The following RPRD1B variants were observed in gnomAD, a reference collection of about 807,000 sequenced individuals.
RPRD1B encodes regulation of nuclear pre-mRNA domain containing 1B.
A neutral mutation model predicts 41.5 loss-of-function variants in RPRD1B; 11 were observed. The ratio of observed to expected loss-of-function variants is 0.27; its 90% CI spans 0.17 to 0.44. RPRD1B has a LOEUF of 0.44. RPRD1B is among the 20% of genes least tolerant of loss of function. The pLI is 1.00. For synonymous variants in RPRD1B, 158 were observed against 155.6 expected, an observed-to-expected ratio of 1.02 and a Z score of -0.12; for missense variants, 248 against 389.9, an observed-to-expected ratio of 0.64 and a Z score of 3.06.
intron 6 of RPRD1B, among the ~76,000 whole-genome samples, chr20:38,083,468 C>T (rs2074533074): frequency 6.6e-6 from 1 of 152,184 alleles, no homozygotes; most frequent in Admixed American, 6.5e-5. Flanking sequence ...TAGACACTGA[C>T]TTTTCATTCT....
At chr20:38,063,454 G>A (rs1481229523) in intron 5 of RPRD1B, among the ~76,000 whole-genome samples, 2 of 152,158 alleles carry the variant, frequency 1.3e-5, no homozygotes, top group African/African-American at 4.8e-5. Context: ...TAAACTAATT[G>A]GAAGGTTTTG....
intron 3 of RPRD1B, among the ~76,000 whole-genome samples, chr20:38,056,471 T>C (rs1435850434): frequency 6.6e-6 from 1 of 152,184 alleles, no homozygotes; most frequent in African/African-American, 2.4e-5. Context: ...TAGTATATGA[T>C]GTATATAATG....
At chr20:38,081,797 C>A (rs899029361) in intron 6 of RPRD1B, among the ~76,000 whole-genome samples, 13 of 152,282 alleles carry the variant, frequency 8.5e-5, no homozygotes, top group African/African-American at 3.1e-4. Flanking sequence ...TTTTCTGCAT[C>A]TGTTGAAATT....
At chr20:38,044,852 T>G (rs913061932) in intron 2 of RPRD1B, among the ~76,000 whole-genome samples, 3 of 152,170 alleles carry the variant, frequency 2.0e-5, no homozygotes, top group Non-Finnish European at 4.4e-5. Context: ...CATGAGGTAC[T>G]GTTGGAAGTG....
chr20:38,091,252 A>G lies in RPRD1B; in HGVS notation c.*1377A>G, dbSNP rs1436294203. The G allele has an allele frequency of 4.1e-6, 4 of 985,704 alleles. No homozygotes were observed. Among genetic ancestry groups the G allele is most frequent in the Non-Finnish European group, 4.8e-6 (4 of 829,922 alleles). 61.1% of individuals were successfully genotyped at this position (985,704 alleles called of 1,614,324 possible). On this transcript the variant is annotated 3_prime_UTR_variant, in exon 7 of 7. Transcript: ENST00000373433. ...GGAATTCAGTGGAGGGGGCTTTGTA[A>G]TCTCCATTAATTTGTGTTGCTACTT...
intron 3 of RPRD1B, chr20:38,049,698 G>A (rs1568646999): frequency 2.1e-6 from 1 of 470,898 alleles, no homozygotes; most frequent in Non-Finnish European, 4.4e-6. Flanking sequence ...AAGATCAAAT[G>A]TTGTTTAGTT....
intron 6 of RPRD1B, among the ~76,000 whole-genome samples, chr20:38,077,051 G>A (rs1390413959): frequency 6.6e-6 from 1 of 150,454 alleles, no homozygotes; most frequent in African/African-American, 2.5e-5. Context: ...CTGAGTAGTT[G>A]GGATTACAGG....
chr20:38,085,217 T>C (rs1200505499), intron 6 of RPRD1B, among the ~76,000 whole-genome samples: 1 of 151,516 alleles, frequency 6.6e-6, no homozygotes, highest in Non-Finnish European at 1.5e-5. Flanking sequence ...TTGAGAAGAG[T>C]GCGCTGGTGG....
Position 38,069,764 on chromosome 20 carries a change from A to G in RPRD1B, c.831+3508A>G, listed in dbSNP as rs112463768. ...AAGGAAAATATTCTCACTTGTGTCTACCTTGAAATAGACCAAGAAAAAAAT... is the reference window on the plus strand; with the variant it reads ...AAGGAAAATATTCTCACTTGTGTCTGCCTTGAAATAGACCAAGAAAAAAAT... On this transcript the variant is annotated intron_variant, in intron 6 of 6. Transcript: ENST00000373433. Among the ~76,000 whole-genome samples the G allele has an allele frequency of 2.5e-3, 386 of 152,322 alleles. 1 individual carries two copies. Among genetic ancestry groups the G allele is most frequent in the African/African-American group, 8.4e-3 (350 of 41,578 alleles).
intron 2 of RPRD1B, among the ~76,000 whole-genome samples, chr20:38,047,868 T>C (rs2074135819): frequency 6.6e-6 from 1 of 152,196 alleles, no homozygotes; most frequent in South Asian, 2.1e-4. Context: ...TCTTGACATA[T>C]ACATGTATGT....
chr20:38,073,753 C>T (rs956156264), intron 6 of RPRD1B, among the ~76,000 whole-genome samples: 6 of 152,108 alleles, frequency 3.9e-5, no homozygotes, highest in South Asian at 2.1e-4. Flanking sequence ...AGATGGGAGC[C>T]GGTGATCTAA....
At chr20:38,076,605 A>G (rs970218223) in intron 6 of RPRD1B, among the ~76,000 whole-genome samples, 7 of 152,100 alleles carry the variant, frequency 4.6e-5, no homozygotes, top group Non-Finnish European at 7.4e-5. Context: ...GCAGCTTGGC[A>G]TGCATGTCTA....
chr20:38,085,173 A>G (rs546993928), intron 6 of RPRD1B, among the ~76,000 whole-genome samples: 2 of 152,252 alleles, frequency 1.3e-5, no homozygotes, highest in African/African-American at 4.8e-5. Flanking sequence ...CCCTCTGAAG[A>G]TGAGAGTGCT....
chr20:38,034,808 C>G (rs77214610), intron 1 of RPRD1B, among the ~76,000 whole-genome samples: 4 of 152,190 alleles, frequency 2.6e-5, no homozygotes, highest in Non-Finnish European at 5.9e-5. Flanking sequence ...TGAACTCATT[C>G]TGTTATGTGC....
At chr20:38,042,799 G>A (rs2074080164) in intron 2 of RPRD1B, among the ~76,000 whole-genome samples, 1 of 152,048 alleles carries the variant, frequency 6.6e-6, no homozygotes, top group Non-Finnish European at 1.5e-5. Flanking sequence ...ACCCATTACT[G>A]TTGACTAAAT....
intron 1 of RPRD1B, among the ~76,000 whole-genome samples, chr20:38,040,195 T>G (rs2074051372): frequency 6.6e-6 from 1 of 152,176 alleles, no homozygotes; most frequent in Non-Finnish European, 1.5e-5. Flanking sequence ...ATCAATTAAT[T>G]ACCCTGGTTT....
chr20:38,085,332 G>A (rs144281621), intron 6 of RPRD1B: 1 of 152,162 alleles, frequency 6.6e-6, no homozygotes, highest in Non-Finnish European at 1.5e-5. Context: ...GGGGAGCGTG[G>A]GTGTTGGATG....
chr20:38,067,461 A>G (rs990299393), intron 6 of RPRD1B, among the ~76,000 whole-genome samples: 10 of 152,242 alleles, frequency 6.6e-5, no homozygotes, highest in African/African-American at 2.4e-4. Context: ...CTCCATGCTC[A>G]GGAAACGTGC....
At chr20:38,036,466 T>C (rs2074004493) in intron 1 of RPRD1B, among the ~76,000 whole-genome samples, 1 of 152,218 alleles carries the variant, frequency 6.6e-6, no homozygotes, top group Admixed American at 6.5e-5. Context: ...TTTAATTTGT[T>C]CCTACTAGCT....
Sources: allele counts gnomAD v4.1 joint callset (sites outside exome capture counted in the v4.1 genomes callset), GRCh38; gene constraint gnomAD v4.1.1; transcripts MANE v1.5; gene names NCBI Gene and HGNC (gene_info 2026-07-23, HGNC 2026-07-21).